The following TASOR variants were observed in gnomAD, a reference collection of about 807,000 sequenced individuals.
The protein encoded by TASOR is protein TASOR.
In TASOR, 53 loss-of-function variants were observed where a neutral mutation model predicts 178.6. That is an observed-to-expected ratio of 0.30 (90% CI 0.24 to 0.37). The LOEUF is 0.37. TASOR is among the 10% of genes least tolerant of loss of function. The probability of loss-of-function intolerance (pLI) is 1.00; values close to 1 mark genes in which losing one functional copy is unlikely to be tolerated. For missense variants in TASOR, 1,815 were observed against 1,971.4 expected (o/e 0.92, Z 1.50); for synonymous variants, 713 against 696.2 (o/e 1.02, Z -0.38).
At chr3:56,635,710 T>G (rs1397031049) in intron 17 of TASOR, among the ~76,000 whole-genome samples, 1 of 152,170 alleles carries the variant, frequency 6.6e-6, no homozygotes, top group Non-Finnish European at 1.5e-5. Flanking sequence ...ATTTCTGGCC[T>G]CAATTCCTCC....
In TASOR at chr3:56,646,793, T is replaced by C. The variant is rs917068155; in HGVS notation, c.1944A>G (p.Thr648=). ...TATTTCGTTTTCCAAATTTCATTTT[T>C]GTACCATTCATTTCTTCTTCTTGAC... is the stretch of plus-strand genomic sequence containing the variant. ...YEGQEEEMNG[T]KMKFGKRNNS... is the part of the protein sequence containing the mutation. Residue 648 remains threonine (T), a synonymous_variant, in exon 14 of 24, where the codon ACA becomes ACG. Transcript: ENST00000683822. 6.2e-7 allele frequency: 1 copy of C among 1,613,852 alleles called. No individual in the cohort carries two copies. The highest frequency in any genetic ancestry group is 1.1e-5 in the South Asian group (1 of 90,974).
At chr3:56,629,466 A>C (rs1199705675) in intron 18 of TASOR, among the ~76,000 whole-genome samples, 2 of 152,164 alleles carry the variant, frequency 1.3e-5, no homozygotes, top group Non-Finnish European at 2.9e-5. Flanking sequence ...CATAGCTCTA[A>C]TTCACAACAG....
In TASOR at chr3:56,633,189, G is replaced by A; in HGVS notation, c.3602C>T (p.Ala1201Val). 6.2e-7 allele frequency: 1 copy of A among 1,614,214 alleles called. No homozygotes were observed. The highest frequency in any genetic ancestry group is 1.1e-5 in the South Asian group (1 of 91,082). The change falls in exon 18 of 24, where the codon GCT (alanine) becomes GTT (valine). Residue 1201 changes from alanine to valine, a missense_variant. Physicochemically the swap from Ala to Val is moderately conservative, Grantham distance 64. Coordinates refer to ENST00000683822, the MANE Select transcript of TASOR (RefSeq NM_001365635.2). ...TATAAAATTTGAAAGAGCTGGTTGA[G>A]CAGAAATGTTTACATCACTGGGGGA... ...TKSPSDVNIS[A>V]QPALSNFISQ...
intron 11 of TASOR, among the ~76,000 whole-genome samples, chr3:56,654,952 T>C (rs1377445277): frequency 6.6e-6 from 1 of 152,176 alleles, no homozygotes; most frequent in Admixed American, 6.5e-5. Flanking sequence ...CCTCCATAAA[T>C]GTGTGAGCCA....
chr3:56,671,451 C>CA lies in TASOR; in HGVS notation c.570+148dup, dbSNP rs2030728618. ...GTACATTTGAAAAACAAATTACAAA[C>CA]AATAAACATTTTGCCCCATTAAATC... On this transcript the variant is annotated intron_variant, in intron 3 of 23. Coordinates refer to ENST00000683822, the MANE Select transcript of TASOR (RefSeq NM_001365635.2). 7 of 548,424 alleles carry CA rather than the reference C, an allele frequency of 1.3e-5. No homozygotes were observed. In the African/African-American group the frequency reaches 1.4e-4, roughly 11 times the overall value. The allele number at this position is 548,424 out of a possible 1,614,324, so 34.0% of individuals were successfully genotyped here. A position where few individuals can be genotyped will look rare whatever the true frequency, so the allele number is the denominator to read the frequency against.
chr3:56,638,547 A>T (rs1269054903), intron 17 of TASOR, among the ~76,000 whole-genome samples, 159 bp downstream of exon 17: 2 of 152,178 alleles, frequency 1.3e-5, no homozygotes, highest in Admixed American at 6.5e-5. Flanking sequence ...AGTGGATACA[A>T]CTCAAGTAAT....
intron 7 of TASOR, among the ~76,000 whole-genome samples, chr3:56,666,024 G>A (rs2107620324): frequency 6.6e-6 from 1 of 152,236 alleles, no homozygotes; most frequent in Middle Eastern, 3.4e-3. Flanking sequence ...TTCTAAGGAA[G>A]AGATTAGCGA....
chr3:56,677,066 TTGC>T (rs993287038), intron 1 of TASOR, among the ~76,000 whole-genome samples: 43 of 152,250 alleles, frequency 2.8e-4, no homozygotes, highest in Non-Finnish European at 5.3e-4. Context: ...TCAAGTCAAC[TTGC>T]TGCTAACAGC....
At chr3:56,626,967 G>C in intron 21 of TASOR, 70 bp downstream of exon 21, 1 of 959,382 alleles carries the variant, frequency 1.0e-6, no homozygotes, top group Non-Finnish European at 1.6e-6. Context: ...TACAAACATG[G>C]GAAGAGAGAA....
At chr3:56,649,955 A>G (rs2077315868) in intron 11 of TASOR, among the ~76,000 whole-genome samples, 1 of 152,216 alleles carries the variant, frequency 6.6e-6, no homozygotes, top group Non-Finnish European at 1.5e-5. Flanking sequence ...GTTAGCTGTA[A>G]AAAGACCAGA....
chr3:56,664,035 A>C lies in TASOR; in HGVS notation c.1023-463T>G, dbSNP rs192848588. The C allele has an allele frequency of 1.6e-3, 295 of 182,568 alleles. 1 individual carries two copies. The highest frequency in any genetic ancestry group is 2.6e-3 in the Non-Finnish European group (254 of 96,122). 11.3% of individuals were successfully genotyped at this position (182,568 alleles called of 1,614,324 possible). A position where few individuals can be genotyped will look rare whatever the true frequency, so the allele number is the denominator to read the frequency against. ...ATAAATCTAATGAGGAAGACAGAAA[A>C]CAATGATATATAACAGATCATGATG... On this transcript the variant is annotated intron_variant, in intron 7 of 23. Transcript: ENST00000683822.
chr3:56,671,356 T>C (rs766379987), intron 3 of TASOR: 4 of 342,478 alleles, frequency 1.2e-5, no homozygotes, highest in East Asian at 5.2e-5. Context: ...AATAAATAAA[T>C]AAACAGAAAA....
chr3:56,646,973 T>C lies in TASOR; in HGVS notation c.1764A>G (p.Leu588=), dbSNP rs373426330. The C allele has an allele frequency of 5.6e-6, 9 of 1,607,596 alleles. No homozygotes were observed. The highest frequency in any genetic ancestry group is 6.8e-6 in the Non-Finnish European group (8 of 1,178,600). The change falls in exon 14 of 24, where the codon TTA becomes TTG. Residue 588 remains leucine, a synonymous_variant. Transcript: ENST00000683822. ...YDSRLDDKKF[L]YSAPRNKSHI... ...GGGATTTATTTCTGGGAGCTGAGTA[T>C]AAGAATTTTTTATCATCTAATCGTG...
At chr3:56,659,811 C>A (rs79854541) in intron 11 of TASOR, among the ~76,000 whole-genome samples, 5,952 of 152,146 alleles carry the variant, frequency 0.039, 406 homozygotes, top group African/African-American at 0.13. Context: ...TACTACTTTC[C>A]CCCAACTACT....
intron 16 of TASOR, among the ~76,000 whole-genome samples, chr3:56,639,568 A>G (rs1168865538): frequency 1.3e-5 from 2 of 152,250 alleles, no homozygotes; most frequent in Non-Finnish European, 2.9e-5. Flanking sequence ...ATGAACCTCA[A>G]CATTATCACT....
At chr3:56,636,387 T>TG (rs2077016819) in intron 17 of TASOR, among the ~76,000 whole-genome samples, 1 of 150,458 alleles carries the variant, frequency 6.6e-6, no homozygotes, top group African/African-American at 2.5e-5. Flanking sequence ...AAGCTTTTGT[T>TG]GTTGGTGGTG....
Position 56,646,954 on chromosome 3 carries a change from T to C in TASOR, c.1783A>G (p.Lys595Glu). The C allele has an allele frequency of 6.2e-7, 1 of 1,612,006 alleles. No individual in the cohort carries two copies. The highest frequency in any genetic ancestry group is 8.5e-7 in the Non-Finnish European group (1 of 1,179,598). The change falls in exon 14 of 24, where the codon AAA becomes GAA. Residue 595 changes from lysine (K) to glutamate (E), a missense_variant. By Grantham distance (56) the Lys-to-Glu change is moderately conservative. Coordinates refer to ENST00000683822, the MANE Select transcript of TASOR (RefSeq NM_001365635.2). ...TGCAAACAAGTATCAATATGGGATT[T>C]ATTTCTGGGAGCTGAGTATAAGAAT... ...KKFLYSAPRN[K>E]SHIDTCLHAY...
chr3:56,667,817 CA>C (rs2107623611), intron 6 of TASOR, among the ~76,000 whole-genome samples: 1 of 152,260 alleles, frequency 6.6e-6, no homozygotes, highest in South Asian at 2.1e-4. Flanking sequence ...GCTTTATAGT[CA>C]AACCTCATAT....
At chr3:56,627,504 G>A in intron 20 of TASOR, 78 bp downstream of exon 20, 3 of 1,454,616 alleles carry the variant, frequency 2.1e-6, no homozygotes, top group Non-Finnish European at 2.9e-6. Context: ...ATCTGTGAAT[G>A]GCAGAATAAA....
Sources: gnomAD v4.1 joint callset for allele counts (sites outside exome capture counted in the v4.1 genomes callset) on GRCh38, gnomAD v4.1.1 for gene constraint, MANE v1.5 for transcripts, NCBI Gene and HGNC (gene_info 2026-07-23, HGNC 2026-07-21) for gene names.